The following SCNN1B variants were observed in gnomAD, a reference collection of about 807,000 sequenced individuals.
SCNN1B encodes epithelial sodium channel subunit beta.
Under a neutral mutation model 65.3 loss-of-function variants are expected in SCNN1B, and 46 were observed. That is an observed-to-expected ratio of 0.70 (90% CI 0.56 to 0.90). The LOEUF (loss-of-function observed/expected upper bound fraction) is 0.90. Ranked by LOEUF, SCNN1B falls within the 40% of genes least tolerant of loss-of-function variation. SCNN1B has a pLI of 0.00. For synonymous variants in SCNN1B, 349 were observed against 330.6 expected, an observed-to-expected ratio of 1.06 and a Z score of -0.60; for missense variants, 751 against 830.5, an observed-to-expected ratio of 0.90 and a Z score of 1.18.
At chr16:23,360,456 G>T (rs539380613) in intron 4 of SCNN1B, among the ~76,000 whole-genome samples, 130 of 152,162 alleles carry the variant, frequency 8.5e-4, no homozygotes, top group Non-Finnish European at 1.7e-3. Flanking sequence ...GGCTGAGGGG[G>T]AAGGATCACT....
chr16:23,318,166 G>A (rs1239134481), intron 1 of SCNN1B, among the ~76,000 whole-genome samples: 3 of 152,210 alleles, frequency 2.0e-5, no homozygotes, highest in Admixed American at 6.5e-5. Flanking sequence ...AGATTATCAG[G>A]AGGCAATATA....
Position 23,296,678 on chromosome 16 carries a change from C to G in SCNN1B, n.178+12874C>G, listed in dbSNP as rs946370294. Among the ~76,000 whole-genome samples the G allele has an allele frequency of 2.0e-5, 3 of 152,172 alleles. 1 individual carries two copies. ...TTTTGGTCACAGGCAGGGAAGCACC[C>G]GGAGCTTGCTGTGGCCTCGGGCAAT... On this transcript the variant is annotated intron_variant and non_coding_transcript_variant, in intron 2 of 3. Coordinates refer to the SCNN1B transcript ENST00000569789.
intron 1 of SCNN1B, among the ~76,000 whole-genome samples, chr16:23,303,734 G>C (rs1961133798): frequency 6.6e-6 from 1 of 150,402 alleles, no homozygotes; most frequent in Admixed American, 6.6e-5. Flanking sequence ...CAGCCTACAT[G>C]GTGAAACCCC....
chr16:23,310,319 A>G (rs758535070), intron 1 of SCNN1B, among the ~76,000 whole-genome samples: 25 of 150,388 alleles, frequency 1.7e-4, no homozygotes, highest in Non-Finnish European at 3.2e-4. Context: ...AAAAACCCAC[A>G]TAAACTCAGG....
In SCNN1B at chr16:23,348,908, C is replaced by T. The variant is rs753592027; in HGVS notation, c.309C>T (p.Phe103=). The change falls in exon 2 of 13, where the codon TTC becomes TTT. Residue 103 remains phenylalanine, a splice_region_variant and synonymous_variant. Transcript: ENST00000343070. The surrounding 1 kb of genome is among the most constrained non-coding windows in gnomAD (Gnocchi z 4.5). The part of the protein sequence containing the change: ...PAVTICNASP[F]KYSKIKHLLK... ...TCACCATCTGCAATGCTAGCCCCTT[C>T]AAGTAGGTGGCCCCGGAGTGCACAG... The T allele has an allele frequency of 6.2e-7, 1 of 1,614,118 alleles. No individual in the cohort carries two copies. Among genetic ancestry groups the T allele is most frequent in the Non-Finnish European group, 8.5e-7 (1 of 1,179,968 alleles).
At chr16:23,293,362 C>T (rs1385266288) in intron 2 of SCNN1B, among the ~76,000 whole-genome samples, 1 of 152,160 alleles carries the variant, frequency 6.6e-6, no homozygotes, top group Non-Finnish European at 1.5e-5. Flanking sequence ...CTGACACATG[C>T]TACAACATGA....
chr16:23,336,887 A>G (rs963100713), intron 1 of SCNN1B, among the ~76,000 whole-genome samples: 2 of 152,186 alleles, frequency 1.3e-5, no homozygotes. Flanking sequence ...TAGTAAGTAA[A>G]TAATGATACA....
intron 6 of SCNN1B, 152 bp from the exon 7 acceptor site, chr16:23,371,624 G>A: frequency 2.0e-6 from 2 of 978,938 alleles, no homozygotes; most frequent in Non-Finnish European, 3.2e-6. Flanking sequence ...AGCTTTAGGG[G>A]AAGGTGAGCC....
chr16:23,334,379 C>T (rs763628779), intron 1 of SCNN1B, among the ~76,000 whole-genome samples: 4 of 152,178 alleles, frequency 2.6e-5, no homozygotes, highest in African/African-American at 7.2e-5. Flanking sequence ...CAGCCTTTTT[C>T]GAGTCATGGA....
intron 1 of SCNN1B, among the ~76,000 whole-genome samples, chr16:23,346,200 CTTTTTTTTTTTTTT>C (rs753802362): frequency 5.1e-4 from 40 of 78,006 alleles, no homozygotes; most frequent in East Asian, 1.4e-3. Flanking sequence ...TTTTCCTTTT[CTTTTTTTTTTTTTT>C]TTTTTTTTTT....
chr16:23,332,570 A>G (rs1961836521), intron 1 of SCNN1B, among the ~76,000 whole-genome samples: 1 of 151,966 alleles, frequency 6.6e-6, no homozygotes, highest in African/African-American at 2.4e-5. Flanking sequence ...AGCTCAAGTG[A>G]TCCTCCTGCT....
chr16:23,323,151 T>C (rs1961622674), intron 1 of SCNN1B, among the ~76,000 whole-genome samples: 1 of 151,020 alleles, frequency 6.6e-6, no homozygotes, highest in African/African-American at 2.4e-5. Context: ...TGAGCTGAGA[T>C]CACAGCACTG....
chr16:23,359,709 A>G (rs1444910093), intron 4 of SCNN1B, among the ~76,000 whole-genome samples: 1 of 152,106 alleles, frequency 6.6e-6, no homozygotes, highest in African/African-American at 2.4e-5. Context: ...GGACCCCAAC[A>G]CCAAACTGCC....
intron 4 of SCNN1B, among the ~76,000 whole-genome samples, chr16:23,360,763 T>C (rs1166803178): frequency 6.6e-6 from 1 of 150,420 alleles, no homozygotes; most frequent in Admixed American, 6.6e-5. Context: ...ACCTGGCTAA[T>C]TTTTGGTTTT....
At chr16:23,378,927 G>A (rs1962971752) in intron 11 of SCNN1B, among the ~76,000 whole-genome samples, 160 bp downstream of exon 11, 1 of 152,114 alleles carries the variant, frequency 6.6e-6, no homozygotes, top group Admixed American at 6.6e-5. Context: ...AGAGAGGAAA[G>A]GCAGCCAAGG....
At chr16:23,374,268 G>GAAA (rs1223701346) in intron 7 of SCNN1B, among the ~76,000 whole-genome samples, 2,344 of 60,354 alleles carry the variant, frequency 0.039, 119 homozygotes, top group East Asian at 0.12. Context: ...CCTGTCTCAG[G>GAAA]AAAAAAAAAA....
chr16:23,349,375 T>C (rs983318897), intron 2 of SCNN1B, among the ~76,000 whole-genome samples: 8 of 152,072 alleles, frequency 5.3e-5, no homozygotes, highest in African/African-American at 1.4e-4. Context: ...TGGTCTGAGC[T>C]GCATAGGAAG....
At chr16:23,367,366 T>C (rs1275667988) in intron 4 of SCNN1B, among the ~76,000 whole-genome samples, 1 of 152,020 alleles carries the variant, frequency 6.6e-6, no homozygotes, top group African/African-American at 2.4e-5. Context: ...GGCACAATCA[T>C]AGCTCAAGCA....
rs141712940 is a variant in SCNN1B at position 23,337,490 on chromosome 16, G to A, written c.-8-11102G>A. Among the ~76,000 whole-genome samples the A allele has an allele frequency of 3.8e-3, 562 of 149,070 alleles. 5 individuals carry two copies. The highest frequency in any genetic ancestry group is 0.013 in the African/African-American group (536 of 40,246). On this transcript the variant is annotated intron_variant, in intron 1 of 12. Coordinates refer to ENST00000343070, the MANE Select transcript of SCNN1B (RefSeq NM_000336.3). Reference sequence around the variant, plus strand: ...CCTACCAGGTTCAAGCAATTCTCCTGCCTCAGCCTCCCAAGTAGCTGGAAT... The same window carrying A: ...CCTACCAGGTTCAAGCAATTCTCCTACCTCAGCCTCCCAAGTAGCTGGAAT...
Sources: gnomAD v4.1 joint callset for allele counts (sites outside exome capture counted in the v4.1 genomes callset) on GRCh38, gnomAD v4.1.1 for gene constraint, Gnocchi (gnomAD v3.1) non-coding constraint, MANE v1.5 for transcripts, NCBI Gene and HGNC (gene_info 2026-07-23, HGNC 2026-07-21) for gene names.